KCNQ1: variants seen among roughly 807,000 people sequenced by gnomAD.
KCNQ1 encodes potassium voltage-gated channel subfamily KQT member 1.
Under a neutral mutation model 72.4 loss-of-function variants are expected in KCNQ1, and 49 were observed. The observed-to-expected ratio is 0.68, with a 90% CI of 0.54 to 0.86. KCNQ1 has a LOEUF of 0.86. KCNQ1 is among the 40% of genes least tolerant of loss of function. The pLI is 0.00. For synonymous variants in KCNQ1, 450 were observed against 412.6 expected (o/e 1.09, Z -1.10); for missense variants, 790 against 945.1 (o/e 0.84, Z 2.15).
At chr11:2,650,510 G>C in intron 10 of KCNQ1, 1 of 398,632 alleles carries the variant, frequency 2.5e-6, no homozygotes, top group Admixed American at 4.4e-5. Context: ...CAATTAATTA[G>C]ACTATAATCC....
chr11:2,609,470 G>C (rs1023405563), intron 10 of KCNQ1: 4 of 398,236 alleles, frequency 1.0e-5, no homozygotes, highest in South Asian at 2.5e-4. Context: ...TGTCTCATGT[G>C]CACTTGAAAA....
intron 4 of KCNQ1, 42 bp downstream of exon 4, chr11:2,571,445 C>A: frequency 6.5e-7 from 1 of 1,542,824 alleles, no homozygotes; most frequent in Non-Finnish European, 8.9e-7. Flanking sequence ...GCCGCCCCAC[C>A]CCGAGCACCC....
chr11:2,452,467 T>C (rs1001901211), intron 1 of KCNQ1, among the ~76,000 whole-genome samples: 1 of 152,146 alleles, frequency 6.6e-6, no homozygotes, highest in Non-Finnish European at 1.5e-5. Flanking sequence ...GAAGGAGCTC[T>C]GACTGAGAGG....
rs1379977557 is a variant in KCNQ1 at position 2,627,560 on chromosome 11, T to C, written c.1394-34401T>C. On this transcript the variant is annotated intron_variant, in intron 10 of 15. Coordinates refer to ENST00000155840, the MANE Select transcript of KCNQ1 (RefSeq NM_000218.3). This position sits in a 1 kb window ranked among gnomAD's most constrained non-coding sequence, Gnocchi z 4.9. ...ACTGGGATAGTGCAGTATTTGTCTT[T>C]CTGTGTCTGGCTATTTCACTTAGCA... 1 of 398,614 alleles carries C rather than the reference T, an allele frequency of 2.5e-6. No homozygotes were observed. The highest frequency in any genetic ancestry group is 4.4e-6 in the Non-Finnish European group (1 of 226,072). 24.7% of individuals were successfully genotyped at this position (398,614 alleles called of 1,614,324 possible). A position where few individuals can be genotyped will look rare whatever the true frequency, so the allele number is the denominator to read the frequency against.
chr11:2,644,772 G>T, intron 10 of KCNQ1: 1 of 398,640 alleles, frequency 2.5e-6, no homozygotes, highest in Non-Finnish European at 4.4e-6. Context: ...GATTCTGGGT[G>T]CCTGCAGTAG....
At chr11:2,666,956 G>C in intron 11 of KCNQ1, 1 of 398,744 alleles carries the variant, frequency 2.5e-6, no homozygotes, top group South Asian at 1.3e-4. Context: ...GAGATGCCAA[G>C]GAAGCCCTCT....
chr11:2,553,764 G>A (rs1201146477), intron 2 of KCNQ1, among the ~76,000 whole-genome samples: 3 of 151,800 alleles, frequency 2.0e-5, no homozygotes, highest in Admixed American at 2.0e-4. Flanking sequence ...TGCCCAAGCT[G>A]GAGCGCAATG....
intron 11 of KCNQ1, chr11:2,688,796 C>A (rs754643894): frequency 3.3e-5 from 13 of 398,670 alleles, no homozygotes; most frequent in Non-Finnish European, 5.3e-5. Context: ...TGCCCTCCCC[C>A]ACACACAGCC....
intron 1 of KCNQ1, chr11:2,461,322 T>A (rs2133581842): frequency 1.1e-6 from 1 of 891,670 alleles, no homozygotes; most frequent in Non-Finnish European, 1.5e-6. Flanking sequence ...AGATTTGTAG[T>A]CTGGTTGCTG....
chr11:2,528,357 C>T (rs1180236376), intron 2 of KCNQ1, among the ~76,000 whole-genome samples: 4 of 152,182 alleles, frequency 2.6e-5, no homozygotes, highest in South Asian at 4.1e-4. Flanking sequence ...CCCGAGCCTT[C>T]GTGTCCCTGG....
In KCNQ1 at chr11:2,679,080, A is replaced by C. The variant is rs1387021591; in HGVS notation, c.1514+16999A>C. ...ACCAAAAAAACCCACTAACACCATA[A>C]AGTGTCATAGCTAGAGCTAGAGTGC... On this transcript the variant is annotated intron_variant, in intron 11 of 15. Coordinates refer to ENST00000155840, the MANE Select transcript of KCNQ1 (RefSeq NM_000218.3). This position sits in a 1 kb window ranked among gnomAD's most constrained non-coding sequence, Gnocchi z 4.8. 2.5e-6 allele frequency: 1 copy of C among 398,514 alleles called. No individual in the cohort carries two copies. Among genetic ancestry groups the C allele is most frequent in the Admixed American group, 4.4e-5 (1 of 22,722 alleles). The allele number at this position is 398,514 out of a possible 1,614,324, so 24.7% of individuals were successfully genotyped here.
At chr11:2,650,783 T>G (rs1035495587) in intron 10 of KCNQ1, 2 of 398,554 alleles carry the variant, frequency 5.0e-6, no homozygotes, top group Admixed American at 8.8e-5. Flanking sequence ...TTCTTTCTCC[T>G]AATACTGCTA....
intron 11 of KCNQ1, chr11:2,681,095 A>AT (rs1933888683): frequency 2.5e-6 from 1 of 398,474 alleles, no homozygotes; most frequent in African/African-American, 2.1e-5. Context: ...TGATGTGGTT[A>AT]TTTTTTAAAT....
intron 1 of KCNQ1, among the ~76,000 whole-genome samples, chr11:2,490,952 C>A (rs921338266): frequency 1.3e-5 from 2 of 152,116 alleles, no homozygotes; most frequent in Non-Finnish European, 2.9e-5. Context: ...GTGATCTGCC[C>A]GCCTCGGCCT....
chr11:2,632,305 GATCAT>G, intron 10 of KCNQ1: 1 of 397,046 alleles, frequency 2.5e-6, no homozygotes, highest in Non-Finnish European at 4.4e-6. Flanking sequence ...CTACAAATAT[GATCAT>G]ATCTATGAAC....
intron 10 of KCNQ1, chr11:2,625,156 T>C (rs1849243035): frequency 2.5e-6 from 1 of 398,538 alleles, no homozygotes; most frequent in Non-Finnish European, 4.4e-6. Context: ...AACACCAAAC[T>C]GTTTAACACA....
At position 2,482,966 on chromosome 11, in the gene KCNQ1, G is replaced by A. The variant is rs917390198; in HGVS notation, c.386+37482G>A. ...GGTAATGCATGGTGCGTGTCTCTTA[G>A]CAGTAAGACCTTGAGAAGGAGCCAG... is the stretch of plus-strand genomic sequence containing the variant. On this transcript the variant is annotated intron_variant, in intron 1 of 15. Coordinates refer to ENST00000155840, the MANE Select transcript of KCNQ1 (RefSeq NM_000218.3). This position sits in a 1 kb window ranked among gnomAD's most constrained non-coding sequence, Gnocchi z 5.7. Among the ~76,000 whole-genome samples the A allele has an allele frequency of 6.6e-6, 1 of 152,164 alleles. No individual in the cohort carries two copies. The highest frequency in any genetic ancestry group is 1.5e-5 in the Non-Finnish European group (1 of 68,032).
Position 2,645,519 on chromosome 11 carries a change from C to T in KCNQ1, c.1394-16442C>T, listed in dbSNP as rs1243052965. The T allele has an allele frequency of 5.0e-6, 2 of 398,640 alleles. No homozygotes were observed. Among genetic ancestry groups the T allele is most frequent in the Admixed American group, 8.8e-5 (2 of 22,710 alleles). The allele number at this position is 398,640 out of a possible 1,614,324, so 24.7% of individuals were successfully genotyped here. On this transcript the variant is annotated intron_variant, in intron 10 of 15. Coordinates refer to ENST00000155840, the MANE Select transcript of KCNQ1 (RefSeq NM_000218.3). The surrounding 1 kb of genome is among the most constrained non-coding windows in gnomAD (Gnocchi z 5.8). ...GGGCAGCAGCAACTCTATTGCAGCC[C>T]TACTCCTGGGGAAGTTGAGTGGGAT...
At chr11:2,791,105 CTT>C (rs1847012377) in intron 15 of KCNQ1, among the ~76,000 whole-genome samples, 4 of 152,340 alleles carry the variant, frequency 2.6e-5, no homozygotes, top group South Asian at 4.1e-4. Flanking sequence ...AAATTTAAGT[CTT>C]TTTAAAAATT....
Sources: gnomAD v4.1 joint callset for allele counts (sites outside exome capture counted in the v4.1 genomes callset) on GRCh38, gnomAD v4.1.1 for gene constraint, Gnocchi (gnomAD v3.1) non-coding constraint, MANE v1.5 for transcripts, NCBI Gene and HGNC (gene_info 2026-07-23, HGNC 2026-07-21) for gene names.